Variants in DNM2 observed in about 807,000 individuals in gnomAD.
DNM2 encodes the protein dynamin-2.
In DNM2, 15 loss-of-function variants were observed where a neutral mutation model predicts 99.0. That is an observed-to-expected ratio of 0.15 (90% confidence interval 0.10 to 0.23). DNM2 has a LOEUF of 0.23. Ranked by LOEUF, DNM2 falls within the 10% of genes least tolerant of loss-of-function variation. The probability of loss-of-function intolerance (pLI) is 1.00; values close to 1 mark genes in which losing one functional copy is unlikely to be tolerated. For synonymous variants in DNM2, 525 were observed against 481.2 expected, an observed-to-expected ratio of 1.09 and a Z score of -1.19; for missense variants, 742 against 1,189.4, an observed-to-expected ratio of 0.62 and a Z score of 5.53.
intron 2 of DNM2, among the ~76,000 whole-genome samples, chr19:10,762,621 G>A (rs2070671227): frequency 6.6e-6 from 1 of 152,200 alleles, no homozygotes. Context: ...GGCCTACCCA[G>A]TACCTGACCC....
rs532384245 is a variant in DNM2, at chr19:10,812,163, C to T, written c.1558-101C>T. 2.7e-5 allele frequency: 26 copies of T among 972,032 alleles called. No homozygotes were observed. The highest frequency in any genetic ancestry group is 5.5e-5 in the South Asian group (4 of 72,772). The allele number at this position is 972,032 out of a possible 1,614,324, so 60.2% of individuals were successfully genotyped here. On this transcript the variant is annotated intron_variant, in intron 14 of 20. Transcript: ENST00000389253. The surrounding 1 kb of genome is among the most constrained non-coding windows in gnomAD (Gnocchi z 4.0). ...TTTGGGGCTGGAGGTGTCTCTATTG[C>T]GGTCCCTGGCTTCCCACTGAGCTGT...
chr19:10,757,171 T>TG (rs1448086982), intron 1 of DNM2, among the ~76,000 whole-genome samples: 1 of 152,108 alleles, frequency 6.6e-6, no homozygotes, highest in Non-Finnish European at 1.5e-5. Flanking sequence ...GCAGCGCCCC[T>TG]GGGGGGTCTT....
chr19:10,763,130 C>T (rs1257308685), intron 2 of DNM2: 1 of 152,810 alleles, frequency 6.5e-6, no homozygotes, highest in Non-Finnish European at 1.5e-5. Flanking sequence ...GGCTAGGGTG[C>T]AGTGGCACGA....
At position 10,746,734 on chromosome 19, in the gene DNM2, GTT is replaced by G. The variant is rs1442794369; in HGVS notation, c.162-12991_162-12990del. Among the ~76,000 whole-genome samples, 27 of 123,098 alleles carry G rather than the reference GTT, an allele frequency of 2.2e-4. 1 individual carries two copies. The highest frequency in any genetic ancestry group is 5.8e-4 in the African/African-American group (19 of 32,498). The allele number at this position is 123,098 out of a possible 152,430, so 80.8% of individuals were successfully genotyped here. On this transcript the variant is annotated intron_variant, in intron 1 of 20. Coordinates refer to ENST00000389253, the MANE Select transcript of DNM2 (RefSeq NM_001005361.3). ...CGTGCCGGCTTTTTTTTTGTTTTTT[GTT>G]TTTTTTTTTTTTGAGACAGTCTCAC...
At chr19:10,808,325 G>A (rs978944678) in intron 13 of DNM2, among the ~76,000 whole-genome samples, 18 of 152,118 alleles carry the variant, frequency 1.2e-4, no homozygotes, top group East Asian at 1.9e-4. Flanking sequence ...TGCGCTTGCC[G>A]TAGGTAATAC....
chr19:10,763,102 G>A (rs1364980913), intron 2 of DNM2: 2 of 152,656 alleles, frequency 1.3e-5, no homozygotes, highest in African/African-American at 2.4e-5. Flanking sequence ...TTGAGACAAG[G>A]TTCTGCTCTG....
intron 1 of DNM2, among the ~76,000 whole-genome samples, chr19:10,739,122 G>A (rs937187405): frequency 2.6e-5 from 4 of 152,076 alleles, no homozygotes; most frequent in Admixed American, 2.0e-4. Flanking sequence ...GCAGTGAGCC[G>A]AGATCACGCC....
intron 1 of DNM2, among the ~76,000 whole-genome samples, chr19:10,754,748 C>T (rs753798392): frequency 1.8e-4 from 28 of 151,806 alleles, no homozygotes; most frequent in Middle Eastern, 3.4e-3. Context: ...TGCCACCATC[C>T]GCAGTGAATT....
intron 1 of DNM2, among the ~76,000 whole-genome samples, chr19:10,739,751 G>A (rs2069669555): frequency 6.6e-6 from 1 of 151,378 alleles, no homozygotes; most frequent in African/African-American, 2.4e-5. Context: ...AGCTACTCTG[G>A]GTGGCTGAGG....
At chr19:10,792,175 T>G (rs1599562691) in intron 7 of DNM2, among the ~76,000 whole-genome samples, 1 of 152,178 alleles carries the variant, frequency 6.6e-6, no homozygotes, top group African/African-American at 2.4e-5. Context: ...GGAAATTAAA[T>G]GTGCACACCC....
chr19:10,781,646 T>C (rs1288805660), intron 5 of DNM2: 1 of 152,112 alleles, frequency 6.6e-6, no homozygotes, highest in Non-Finnish European at 1.5e-5. Flanking sequence ...CCAGGCGTGG[T>C]GACGCACGCC....
At chr19:10,828,011 G>A (rs546583828) in intron 18 of DNM2, among the ~76,000 whole-genome samples, 3 of 151,780 alleles carry the variant, frequency 2.0e-5, no homozygotes, top group African/African-American at 2.4e-5. Flanking sequence ...TTAGCCGGGC[G>A]CAGTGGCTCA....
intron 1 of DNM2, among the ~76,000 whole-genome samples, chr19:10,721,541 CT>C (rs1265832858): frequency 6.6e-6 from 1 of 151,984 alleles, no homozygotes; most frequent in Non-Finnish European, 1.5e-5. Context: ...ACAAGGCTTA[CT>C]TTTTTTTGGG....
At chr19:10,828,519 G>A (rs1424257505) in intron 18 of DNM2, among the ~76,000 whole-genome samples, 7 of 151,860 alleles carry the variant, frequency 4.6e-5, no homozygotes, top group African/African-American at 1.5e-4. Context: ...CCCGGGAGGC[G>A]GAGGTTGCAG....
Position 10,795,878 on chromosome 19 carries a change from C to T in DNM2, c.1196+439C>T, listed in dbSNP as rs1219171426. On this transcript the variant is annotated intron_variant, in intron 9 of 20. Coordinates refer to ENST00000389253, the MANE Select transcript of DNM2 (RefSeq NM_001005361.3). The surrounding 1 kb of genome is among the most constrained non-coding windows in gnomAD (Gnocchi z 4.2). ...GTAGTTGCTCCAGGTGTCTGCCCTT[C>T]CATCGCCGTGGGGTCCTCGGGTCAC... 2.7e-5 allele frequency: 25 copies of T among 909,892 alleles called. No homozygotes were observed. The allele number at this position is 909,892 out of a possible 1,614,324, so 56.4% of individuals were successfully genotyped here.
At chr19:10,750,461 A>G (rs560044322) in intron 1 of DNM2, among the ~76,000 whole-genome samples, 8 of 152,034 alleles carry the variant, frequency 5.3e-5, no homozygotes, top group African/African-American at 1.2e-4. Context: ...ACTGGGCAAT[A>G]TAGGAAGATG....
chr19:10,814,146 C>T (rs895884279), intron 15 of DNM2, among the ~76,000 whole-genome samples: 1 of 151,892 alleles, frequency 6.6e-6, no homozygotes, highest in Non-Finnish European at 1.5e-5. Flanking sequence ...CCAGCCTGGG[C>T]GACAGAGTGA....
chr19:10,748,947 T>A (rs1028828476), intron 1 of DNM2, among the ~76,000 whole-genome samples: 4 of 152,180 alleles, frequency 2.6e-5, no homozygotes, highest in Non-Finnish European at 4.4e-5. Flanking sequence ...TGCCGAAGCC[T>A]CTTCCTGTGG....
At chr19:10,732,139 A>G (rs1029682394) in intron 1 of DNM2, among the ~76,000 whole-genome samples, 1 of 150,832 alleles carries the variant, frequency 6.6e-6, no homozygotes, top group African/African-American at 2.4e-5. Flanking sequence ...TATTTTTAGT[A>G]GAGACTGGGT....
Sources: allele counts gnomAD v4.1 joint callset (sites outside exome capture counted in the v4.1 genomes callset), GRCh38; gene constraint gnomAD v4.1.1; non-coding constraint Gnocchi (gnomAD v3.1); transcripts MANE v1.5; gene names NCBI Gene and HGNC (gene_info 2026-07-23, HGNC 2026-07-21).